MMAA: variants seen among roughly 807,000 people sequenced by gnomAD.
The protein encoded by MMAA is metabolism of cobalamin associated A, also known as methylmalonic aciduria type A protein, mitochondrial.
In MMAA, 41 loss-of-function variants were observed where a neutral mutation model predicts 45.0. The observed-to-expected ratio is 0.91, with a 90% CI of 0.71 to 1.18. MMAA has a LOEUF of 1.18. Ranked by LOEUF, MMAA falls within the 50% of genes most tolerant of loss-of-function variation. MMAA has a pLI of 0.00. For missense variants in MMAA, 460 were observed against 495.7 expected (o/e 0.93, Z 0.68); for synonymous variants, 154 against 178.2 (o/e 0.86, Z 1.08).
At position 145,655,240 on chromosome 4, in the gene MMAA, C is replaced by G. The variant is rs774455707; in HGVS notation, c.1063C>G (p.Leu355Val). Residue 355 changes from leucine (L) to valine (V), a missense_variant, in exon 7 of 7, where the codon CTG (leucine) becomes GTG (valine). Physicochemically the swap from Leu to Val is conservative, Grantham distance 32. Coordinates refer to ENST00000649156, the MANE Select transcript of MMAA (RefSeq NM_172250.3). ...FQDLMLASGE[L>V]TAKRRKQQKV... ...GGACCTAATGCTTGCCAGTGGGGAG[C>G]TGACTGCCAAACGACGGAAGCAACA... 3 of 1,614,070 alleles carry G rather than the reference C, an allele frequency of 1.9e-6. No individual in the cohort carries two copies. In the East Asian group the frequency reaches 6.7e-5, roughly 36 times the overall value.
At position 145,656,574 on chromosome 4, in the gene MMAA, A is replaced by G. The variant is rs1296557776; in HGVS notation, c.*1140A>G. On this transcript the variant is annotated 3_prime_UTR_variant, in exon 7 of 7. Coordinates refer to ENST00000649156, the MANE Select transcript of MMAA (RefSeq NM_172250.3). ...AGTTTTCTCTCATGGTCTTGTTACTACCATCATACTCTTGATATTTTAGGA... is the reference window on the plus strand; with the variant it reads ...AGTTTTCTCTCATGGTCTTGTTACTGCCATCATACTCTTGATATTTTAGGA... 1 of 151,830 alleles carries G rather than the reference A, an allele frequency of 6.6e-6. No homozygotes were observed. Among genetic ancestry groups the G allele is most frequent in the East Asian group, 1.9e-4 (1 of 5,206 alleles). The allele number at this position is 151,830 out of a possible 1,614,324, so 9.4% of individuals were successfully genotyped here. A position where few individuals can be genotyped will look rare whatever the true frequency, so the allele number is the denominator to read the frequency against.
At chr4:145,632,456 T>C (rs972814300) in intron 1 of MMAA, among the ~76,000 whole-genome samples, 2 of 152,228 alleles carry the variant, frequency 1.3e-5, no homozygotes, top group African/African-American at 4.8e-5. Flanking sequence ...CTTTGGGAGT[T>C]TGATTATTAA....
chr4:145,653,191 T>C (rs904906313), intron 5 of MMAA, among the ~76,000 whole-genome samples: 1 of 152,226 alleles, frequency 6.6e-6, no homozygotes, highest in Non-Finnish European at 1.5e-5. Context: ...TTATTTGTTA[T>C]ACAATGCTTC....
chr4:145,625,134 G>T (rs1734175473), intron 1 of MMAA: 1 of 1,211,600 alleles, frequency 8.3e-7, no homozygotes, highest in Non-Finnish European at 1.2e-6. Flanking sequence ...ATCTCATCTC[G>T]ATCAGGAAGC....
chr4:145,632,038 C>T (rs1560792839), intron 1 of MMAA, among the ~76,000 whole-genome samples: 1 of 152,160 alleles, frequency 6.6e-6, no homozygotes, highest in Non-Finnish European at 1.5e-5. Context: ...AGTCTTTATA[C>T]TTAACAGTAG....
chr4:145,651,799 G>T (rs978064775), intron 5 of MMAA, among the ~76,000 whole-genome samples: 2 of 152,172 alleles, frequency 1.3e-5, no homozygotes, highest in East Asian at 1.9e-4. Context: ...TGGGGGTAAG[G>T]GGGGATGGTT....
At chr4:145,623,988 C>G (rs1431594857) in intron 1 of MMAA, among the ~76,000 whole-genome samples, 1 of 152,126 alleles carries the variant, frequency 6.6e-6, no homozygotes, top group African/African-American at 2.4e-5. Context: ...TTCTTTTAAA[C>G]AGTAACTTAT....
intron 5 of MMAA, 117 bp from the exon 6 acceptor site, chr4:145,653,877 A>G (rs1413233913): frequency 9.2e-7 from 1 of 1,089,730 alleles, no homozygotes; most frequent in Non-Finnish European, 1.4e-6. Context: ...CTTGGCATCC[A>G]GGGCTTAGGA....
At chr4:145,633,702 A>G (rs1313369792) in intron 1 of MMAA, among the ~76,000 whole-genome samples, 3 of 152,170 alleles carry the variant, frequency 2.0e-5, no homozygotes, top group Non-Finnish European at 4.4e-5. Flanking sequence ...TGGAGTCTTT[A>G]TAGTCTGGGC....
At chr4:145,641,463 T>C (rs148708345) in intron 2 of MMAA, among the ~76,000 whole-genome samples, 1 of 152,180 alleles carries the variant, frequency 6.6e-6, no homozygotes, top group African/African-American at 2.4e-5. Flanking sequence ...GCCCCAAGAA[T>C]TGTGGTAAAG....
intron 1 of MMAA, among the ~76,000 whole-genome samples, chr4:145,620,384 G>C (rs1164988587): frequency 6.6e-6 from 1 of 152,236 alleles, no homozygotes; most frequent in African/African-American, 2.4e-5. Context: ...AGAATGGAAA[G>C]AGCTGGTGAA....
intron 1 of MMAA, among the ~76,000 whole-genome samples, chr4:145,632,149 C>T (rs559690535): frequency 6.6e-6 from 1 of 152,322 alleles, no homozygotes; most frequent in African/African-American, 2.4e-5. Flanking sequence ...CCTTTTCTTT[C>T]TTGCTGAAGT....
chr4:145,658,055 C>G lies in MMAA; in HGVS notation c.*2621C>G, dbSNP rs558200462. On this transcript the variant is annotated 3_prime_UTR_variant, in exon 7 of 7. Coordinates refer to ENST00000649156, the MANE Select transcript of MMAA (RefSeq NM_172250.3). ...AAGTGTGTGGCATCTCCCCATCCCT[C>G]ACTCTATCACTTGCTCCTACTTTCG... 9.2e-6 allele frequency: 1 copy of G among 108,194 alleles called. No homozygotes were observed. The highest frequency in any genetic ancestry group is 8.4e-5 in the Admixed American group (1 of 11,848). The allele number at this position is 108,194 out of a possible 1,614,324, so 6.7% of individuals were successfully genotyped here.
chr4:145,639,550 T>A lies in MMAA; in HGVS notation c.411T>A (p.Asn137Lys), dbSNP rs752244799. The A allele has an allele frequency of 6.2e-7, 1 of 1,609,774 alleles. No individual in the cohort carries two copies. The highest frequency in any genetic ancestry group is 1.7e-5 in the Admixed American group (1 of 59,490). ...LLYHREQEQS[N>K]KGKPLAFRVG... ...ACCACAGAGAACAAGAACAATCAAATAAAGGAAAACCACTAGCATTTCGAG... is the reference window on the plus strand; with the variant it reads ...ACCACAGAGAACAAGAACAATCAAAAAAAGGAAAACCACTAGCATTTCGAG... The change falls in exon 2 of 7, where the codon AAT becomes AAA. Residue 137 changes from asparagine (N) to lysine (K), a missense_variant. Asn to Lys is a moderately conservative substitution (Grantham distance 94, BLOSUM62 0). Transcript: ENST00000649156.
chr4:145,655,250 A>G lies in MMAA; in HGVS notation c.1073A>G (p.Lys358Arg). 6.2e-7 allele frequency: 1 copy of G among 1,614,194 alleles called. No individual in the cohort carries two copies. Among genetic ancestry groups the G allele is most frequent in the East Asian group, 2.2e-5 (1 of 44,884 alleles). The change falls in exon 7 of 7, where the codon AAA (lysine) becomes AGA (arginine). Residue 358 changes from lysine (K) to arginine (R), a missense_variant. Transcript: ENST00000649156. ...CTTGCCAGTGGGGAGCTGACTGCCA[A>G]ACGACGGAAGCAACAGAAAGTTTGG... Reference protein sequence around the residue: ...LMLASGELTAKRRKQQKVWMW... With the variant: ...LMLASGELTARRRKQQKVWMW...
rs1459944173 is a variant in MMAA, at chr4:145,639,418, A to G, written c.279A>G (p.Leu93=). 2 of 1,614,116 alleles carry G rather than the reference A, an allele frequency of 1.2e-6. No individual in the cohort carries two copies. The highest frequency in any genetic ancestry group is 8.5e-7 in the Non-Finnish European group (1 of 1,180,046). The change falls in exon 2 of 7, where the codon TTA becomes TTG. Residue 93 remains leucine, a synonymous_variant. Transcript: ENST00000649156. ...QRFVDKLYTG[L]IQGQRACLAE... is the part of the protein sequence containing the mutation. ...TTGTGGATAAACTTTATACTGGTTTAATCCAAGGGCAAAGGGCCTGTTTAG... is the reference window on the plus strand; with the variant it reads ...TTGTGGATAAACTTTATACTGGTTTGATCCAAGGGCAAAGGGCCTGTTTAG...
Position 145,654,022 on chromosome 4 carries a change from C to G in MMAA, c.848C>G (p.Ala283Gly). 6.2e-7 allele frequency: 1 copy of G among 1,614,134 alleles called. No individual in the cohort carries two copies. ...ATCAAAAGGGGTATAATCGAGATGG[C>G]AGATCTGGTAGCTGTAACTAAATCT... is the stretch of plus-strand genomic sequence containing the variant. ...QGIKRGIIEM[A>G]DLVAVTKSDG... The change falls in exon 6 of 7, where the codon GCA becomes GGA. Residue 283 changes from alanine to glycine, a missense_variant. Transcript: ENST00000649156.
At chr4:145,625,388 G>C (rs540612648) in intron 1 of MMAA, 2 of 701,160 alleles carry the variant, frequency 2.9e-6, no homozygotes, top group Non-Finnish European at 5.4e-6. Context: ...GGGTATGTAA[G>C]GAGCCTAATG....
intron 1 of MMAA, among the ~76,000 whole-genome samples, chr4:145,627,405 ACTTTT>A (rs973922971): frequency 3.3e-5 from 5 of 152,118 alleles, no homozygotes; most frequent in Non-Finnish European, 7.4e-5. Context: ...TGTTACCCAA[ACTTTT>A]CTTTATAGTT....
Sources: gnomAD v4.1 joint callset for allele counts (sites outside exome capture counted in the v4.1 genomes callset) on GRCh38, gnomAD v4.1.1 for gene constraint, MANE v1.5 for transcripts, NCBI Gene and HGNC (gene_info 2026-07-23, HGNC 2026-07-21) for gene names.